Variants in STX5 observed in about 807,000 individuals in gnomAD.
STX5 encodes the protein syntaxin-5.
Under a neutral mutation model 42.9 loss-of-function variants are expected in STX5, and 15 were observed. The ratio of observed to expected loss-of-function variants is 0.35; its 90% CI spans 0.23 to 0.54. The LOEUF is 0.54. STX5 is among the 20% of genes least tolerant of loss of function. The probability of loss-of-function intolerance (pLI) is 0.91; values close to 1 mark genes in which losing one functional copy is unlikely to be tolerated. For synonymous variants in STX5, 184 were observed against 173.2 expected (o/e 1.06, Z -0.49); for missense variants, 430 against 455.0 (o/e 0.95, Z 0.50).
At chr11:62,831,349 C>T in intron 1 of STX5, 87 bp from the exon 2 acceptor site, 1 of 1,007,124 alleles carries the variant, frequency 9.9e-7, no homozygotes, top group Non-Finnish European at 1.5e-6. Flanking sequence ...TCCCCGAGCC[C>T]CTTCTGCACT....
chr11:62,815,284 G>A lies in STX5; in HGVS notation c.909-7656C>T, dbSNP rs141201305. On this transcript the variant is annotated intron_variant, in intron 10 of 10. Transcript: ENST00000294179. ...GCCTCCCAAAGTACTGGGATTACAG[G>A]CATGAGCCACCATGCCCAGCCAACC... 2.8e-4 allele frequency among the ~76,000 whole-genome samples: 42 copies of A among 152,264 alleles called. No homozygotes were observed. In the East Asian group the frequency reaches 7.9e-3, roughly 29 times the overall value.
chr11:62,819,432 G>C (rs575601724), intron 10 of STX5, among the ~76,000 whole-genome samples: 96 of 151,724 alleles, frequency 6.3e-4, no homozygotes, highest in African/African-American at 2.2e-3. Flanking sequence ...ATCTATTCAA[G>C]GAGGAATGAA....
At chr11:62,826,961 G>A (rs920757377) in intron 5 of STX5, among the ~76,000 whole-genome samples, 194 bp downstream of exon 5, 1 of 152,022 alleles carries the variant, frequency 6.6e-6, no homozygotes, top group Non-Finnish European at 1.5e-5. Context: ...TCAGGCTGGA[G>A]GAAAGCTTGA....
At chr11:62,821,262 C>T (rs1014642892) in intron 10 of STX5, among the ~76,000 whole-genome samples, 6 of 151,472 alleles carry the variant, frequency 4.0e-5, no homozygotes, top group Admixed American at 2.6e-4. Context: ...GACCTGAGAT[C>T]GAGCCACTGT....
chr11:62,822,316 T>C (rs892420123), intron 10 of STX5, among the ~76,000 whole-genome samples: 1 of 152,118 alleles, frequency 6.6e-6, no homozygotes, highest in African/African-American at 2.4e-5. Context: ...TGAGCCAAGA[T>C]CATGCCACTG....
At chr11:62,817,056 CT>C (rs1255209294) in intron 10 of STX5, among the ~76,000 whole-genome samples, 1 of 151,802 alleles carries the variant, frequency 6.6e-6, no homozygotes. Context: ...CCTCAGCCTC[CT>C]GGGGATAACA....
chr11:62,810,979 G>A (rs1419603573), intron 10 of STX5, among the ~76,000 whole-genome samples: 1 of 151,984 alleles, frequency 6.6e-6, no homozygotes, highest in East Asian at 1.9e-4. Flanking sequence ...TCCTTACCTC[G>A]AACTTTCTTT....
intron 2 of STX5, chr11:62,830,399 A>T (rs372085810): frequency 1.1e-5 from 4 of 377,928 alleles, no homozygotes; most frequent in East Asian, 7.4e-5. Flanking sequence ...AAAAAATTTT[A>T]AAATTAGCTG....
chr11:62,814,686 C>T (rs975841182), intron 10 of STX5, among the ~76,000 whole-genome samples: 3 of 149,708 alleles, frequency 2.0e-5, no homozygotes, highest in Non-Finnish European at 4.4e-5. Context: ...AGTGTAATGG[C>T]GCAATCTTGG....
At chr11:62,822,514 G>C (rs1397835589) in intron 10 of STX5, among the ~76,000 whole-genome samples, 1 of 152,150 alleles carries the variant, frequency 6.6e-6, no homozygotes, top group African/African-American at 2.4e-5. Context: ...AGTAGTCTCT[G>C]CTGTCCTTTA....
intron 2 of STX5, among the ~76,000 whole-genome samples, chr11:62,829,208 T>C (rs2134858969): frequency 6.6e-6 from 1 of 151,958 alleles, no homozygotes; most frequent in East Asian, 1.9e-4. Flanking sequence ...GCAGAGCACC[T>C]GAGGTCGGGA....
chr11:62,825,270 A>G lies in STX5; in HGVS notation c.597+13T>C. ...TCCCATATTCCTACCCCTCCTACGC[A>G]GATTGTTCTCACCTCTGTCCTCACT... is the stretch of plus-strand genomic sequence containing the variant. On this transcript the variant is annotated intron_variant, in intron 7 of 10. Transcript: ENST00000294179. The G allele has an allele frequency of 4.3e-6, 7 of 1,614,054 alleles. No homozygotes were observed. The highest frequency in any genetic ancestry group is 5.9e-6 in the Non-Finnish European group (7 of 1,180,024).
At chr11:62,811,467 T>C (rs2084616042) in intron 10 of STX5, among the ~76,000 whole-genome samples, 1 of 152,194 alleles carries the variant, frequency 6.6e-6, no homozygotes, top group African/African-American at 2.4e-5. Context: ...CCCCCAGCCA[T>C]GCTGAATAAT....
intron 10 of STX5, among the ~76,000 whole-genome samples, chr11:62,812,053 TGAGGA>T (rs1051799282): frequency 6.6e-6 from 1 of 151,428 alleles, no homozygotes; most frequent in African/African-American, 2.4e-5. Flanking sequence ...GTATATGGAT[TGAGGA>T]AAGAACTCAA....
intron 10 of STX5, among the ~76,000 whole-genome samples, chr11:62,819,482 G>C (rs2084714898): frequency 6.6e-6 from 1 of 151,888 alleles, no homozygotes; most frequent in African/African-American, 2.4e-5. Flanking sequence ...CTATTACCAA[G>C]TCTTCCTCTT....
intron 10 of STX5, among the ~76,000 whole-genome samples, chr11:62,819,096 C>T (rs2084708541): frequency 6.6e-6 from 1 of 150,768 alleles, no homozygotes; most frequent in Non-Finnish European, 1.5e-5. Context: ...TGGTGGGCGC[C>T]TGTAGTCCCA....
At position 62,825,412 on chromosome 11, in the gene STX5, C is replaced by T. The variant is rs1313769896; in HGVS notation, c.540+11G>A. On this transcript the variant is annotated intron_variant, in intron 6 of 10. Coordinates refer to ENST00000294179, the MANE Select transcript of STX5 (RefSeq NM_003164.5). ...CCTCTTTGCCTCCCTCCCTTCCTCC[C>T]CAGGTCCCACCTGCAAGGAGACCAC... 3.1e-6 allele frequency: 5 copies of T among 1,614,024 alleles called. No individual in the cohort carries two copies. Among genetic ancestry groups the T allele is most frequent in the Non-Finnish European group, 4.2e-6 (5 of 1,180,024 alleles).
At chr11:62,808,691 T>A (rs188030360) in intron 10 of STX5, among the ~76,000 whole-genome samples, 4 of 152,326 alleles carry the variant, frequency 2.6e-5, no homozygotes, top group Admixed American at 6.5e-5. Context: ...TGGTTTCCTC[T>A]GGGGCTCTTG....
rs1309355778 is a variant in STX5 at position 62,825,661 on chromosome 11, C to T, written c.424-122G>A. The T allele has an allele frequency of 1.9e-5, 17 of 882,124 alleles. No individual in the cohort carries two copies. In the East Asian group the frequency reaches 3.9e-4, roughly 20 times the overall value. The allele number at this position is 882,124 out of a possible 1,614,324, so 54.6% of individuals were successfully genotyped here. A position where few individuals can be genotyped will look rare whatever the true frequency, so the allele number is the denominator to read the frequency against. On this transcript the variant is annotated intron_variant, in intron 5 of 10. Transcript: ENST00000294179. ...AAGTTACTAGCCAGAGTGAGAGTAT[C>T]TCAGACAGTCAGACCAGATGGGCCT...
Sources: allele counts gnomAD v4.1 joint callset (sites outside exome capture counted in the v4.1 genomes callset), GRCh38; gene constraint gnomAD v4.1.1; transcripts MANE v1.5; gene names NCBI Gene and HGNC (gene_info 2026-07-23, HGNC 2026-07-21).